MAMDC2: variants seen among roughly 807,000 people sequenced by gnomAD.
MAMDC2 encodes MAM domain-containing protein 2.
In MAMDC2, 57 loss-of-function variants were observed where a neutral mutation model predicts 89.8. The ratio of observed to expected loss-of-function variants is 0.63; its 90% confidence interval spans 0.51 to 0.79. The LOEUF is 0.79. Among genes scored for constraint, MAMDC2 ranks in the 30% least tolerant of loss-of-function variants. MAMDC2 has a pLI of 0.00. For synonymous variants in MAMDC2, 313 were observed against 293.4 expected, an observed-to-expected ratio of 1.07 and a Z score of -0.68; for missense variants, 800 against 820.6, an observed-to-expected ratio of 0.97 and a Z score of 0.31.
At chr9:70,222,698 CTT>C (rs1210285039) in intron 12 of MAMDC2, among the ~76,000 whole-genome samples, 1 of 152,126 alleles carries the variant, frequency 6.6e-6, no homozygotes, top group Non-Finnish European at 1.5e-5. Context: ...GCTTTCATGA[CTT>C]TTCCTCCTTG....
At chr9:70,158,553 T>C (rs2031848341) in intron 9 of MAMDC2, among the ~76,000 whole-genome samples, 1 of 151,674 alleles carries the variant, frequency 6.6e-6, no homozygotes, top group African/African-American at 2.4e-5. Flanking sequence ...AGATTTATTT[T>C]TCAATATATG....
chr9:70,140,178 A>G lies in MAMDC2; in HGVS notation c.1028A>G (p.Asn343Ser). 6.3e-7 allele frequency: 1 copy of G among 1,595,222 alleles called. No homozygotes were observed. Among genetic ancestry groups the G allele is most frequent in the East Asian group, 2.3e-5 (1 of 44,142 alleles). ...LLFSAVEASC[N>S]FEQDLCNFYQ... is the part of the protein sequence containing the mutation. Reference sequence around the variant, plus strand: ...TTCAGTGCCGTGGAAGCCAGCTGCAATTTTGAGCAAGATCTCTGCAACTTT... The same window carrying G: ...TTCAGTGCCGTGGAAGCCAGCTGCAGTTTTGAGCAAGATCTCTGCAACTTT... Residue 343 changes from asparagine to serine, a missense_variant, in exon 8 of 14, where the codon AAT (asparagine) becomes AGT (serine). Physicochemically the swap from Asn to Ser is conservative, Grantham distance 46 (BLOSUM62 1). Transcript: ENST00000377182.
chr9:70,096,800 A>T (rs949916941), intron 2 of MAMDC2, among the ~76,000 whole-genome samples: 2 of 152,172 alleles, frequency 1.3e-5, no homozygotes, highest in Non-Finnish European at 2.9e-5. Context: ...ATAGAGGAGT[A>T]GCAGATAGAA....
At chr9:70,117,636 AC>A (rs1197169105) in intron 5 of MAMDC2, among the ~76,000 whole-genome samples, 2 of 152,158 alleles carry the variant, frequency 1.3e-5, no homozygotes, top group East Asian at 3.9e-4. Context: ...AAAAAAAAAA[AC>A]AGTCATTAAC....
At chr9:70,046,626 C>A (rs1014039377) in intron 2 of MAMDC2, among the ~76,000 whole-genome samples, 2 of 152,254 alleles carry the variant, frequency 1.3e-5, no homozygotes, top group African/African-American at 4.8e-5. Flanking sequence ...GAGTTGGCAC[C>A]TCTGCCCCAG....
chr9:70,161,965 C>T (rs1001477639), intron 9 of MAMDC2, among the ~76,000 whole-genome samples: 1 of 152,124 alleles, frequency 6.6e-6, no homozygotes, highest in African/African-American at 2.4e-5. Context: ...TGAGGTCTAC[C>T]ACTTATAATA....
At chr9:70,128,357 A>G (rs1279987600) in intron 6 of MAMDC2, among the ~76,000 whole-genome samples, 1 of 152,118 alleles carries the variant, frequency 6.6e-6, no homozygotes, top group Non-Finnish European at 1.5e-5. Context: ...TTAAGTTTGT[A>G]ATGTTAATTT....
intron 11 of MAMDC2, among the ~76,000 whole-genome samples, chr9:70,213,552 ATC>A (rs2033395622): frequency 6.6e-6 from 1 of 152,098 alleles, no homozygotes; most frequent in Admixed American, 6.5e-5. Context: ...TCATGCCTTG[ATC>A]TCTCTTTCCA....
At chr9:70,116,036 A>T (rs2118291519) in intron 5 of MAMDC2, among the ~76,000 whole-genome samples, 1 of 152,350 alleles carries the variant, frequency 6.6e-6, no homozygotes, top group South Asian at 2.1e-4. Flanking sequence ...GATGCATCAA[A>T]ATGACGATTA....
chr9:70,108,434 C>T lies in MAMDC2; in HGVS notation c.372C>T (p.Ser124=). The change falls in exon 3 of 14, where the codon AGC becomes AGT. Residue 124 remains serine, a synonymous_variant. Transcript: ENST00000377182. ...GGTCAGCTAAGGAACCTTCAGACAG[C>T]TGGCTCATAGCCAGCTTGGATTTGC... ...LLWSAKEPSD[S]WLIASLDLQN... is the part of the protein sequence containing the mutation. 14 of 1,612,264 alleles carry T rather than the reference C, an allele frequency of 8.7e-6. No individual in the cohort carries two copies. Among genetic ancestry groups the T allele is most frequent in the Non-Finnish European group, 1.2e-5 (14 of 1,179,418 alleles).
At chr9:70,152,203 G>A (rs2031603679) in intron 9 of MAMDC2, among the ~76,000 whole-genome samples, 1 of 152,126 alleles carries the variant, frequency 6.6e-6, no homozygotes. Context: ...TAAGGACAAT[G>A]GGCTGCTTAT....
At chr9:70,127,983 T>C (rs1205081470) in intron 6 of MAMDC2, among the ~76,000 whole-genome samples, 1 of 152,144 alleles carries the variant, frequency 6.6e-6, no homozygotes, top group Non-Finnish European at 1.5e-5. Context: ...TTTTTAAAAA[T>C]CAATACTTGA....
chr9:70,199,132 G>A (rs1354547535), intron 11 of MAMDC2, among the ~76,000 whole-genome samples: 1 of 147,718 alleles, frequency 6.8e-6, no homozygotes, highest in South Asian at 2.2e-4. Flanking sequence ...ATGTATACAT[G>A]TGCTGTGCTG....
chr9:70,145,910 T>C (rs1433320038), intron 9 of MAMDC2, among the ~76,000 whole-genome samples: 6 of 152,116 alleles, frequency 3.9e-5, no homozygotes, highest in Admixed American at 3.9e-4. Flanking sequence ...TGCAATGTCA[T>C]GTAAAGCCCG....
intron 2 of MAMDC2, chr9:70,079,225 G>A (rs1271157903): frequency 6.6e-6 from 1 of 152,280 alleles, no homozygotes; most frequent in South Asian, 2.1e-4. Context: ...AGATGCTATA[G>A]ATGACTATTG....
chr9:70,206,726 C>A (rs2033232344), intron 11 of MAMDC2, among the ~76,000 whole-genome samples: 1 of 152,048 alleles, frequency 6.6e-6, no homozygotes, highest in Non-Finnish European at 1.5e-5. Flanking sequence ...GTGTGCTGCA[C>A]CCATTAACTC....
At position 70,067,260 on chromosome 9, in the gene MAMDC2, C is replaced by A. The variant is rs149404294; in HGVS notation, c.148+22563C>A. 6.7e-3 allele frequency among the ~76,000 whole-genome samples: 1,026 copies of A among 152,264 alleles called. 3 individuals are homozygous for A. The highest frequency in any genetic ancestry group is 0.014 in the Middle Eastern group (4 of 294). ...AAGGCATTCCCCAGAGAGGGCTGAC[C>A]AGGGGAGGCTGCTTTCCAGTGGCTG... On this transcript the variant is annotated intron_variant, in intron 2 of 13. Transcript: ENST00000377182.
chr9:70,103,356 T>C (rs926317377), intron 2 of MAMDC2, among the ~76,000 whole-genome samples: 4 of 151,918 alleles, frequency 2.6e-5, no homozygotes, highest in Non-Finnish European at 5.9e-5. Flanking sequence ...ACAGCTACAG[T>C]AAGGAGGACT....
At chr9:70,145,561 T>C (rs928175334) in intron 9 of MAMDC2, among the ~76,000 whole-genome samples, 4 of 116,982 alleles carry the variant, frequency 3.4e-5, no homozygotes, top group East Asian at 2.6e-4. Context: ...TACACACACA[T>C]GCACGCATGT....
Sources: allele counts gnomAD v4.1 joint callset (sites outside exome capture counted in the v4.1 genomes callset), GRCh38; gene constraint gnomAD v4.1.1; transcripts MANE v1.5; gene names NCBI Gene and HGNC (gene_info 2026-07-23, HGNC 2026-07-21).